The following NCALD variants were observed in gnomAD, a reference collection of about 807,000 sequenced individuals.
The protein encoded by NCALD is neurocalcin delta, also known as neurocalcin-delta.
A neutral mutation model predicts 18.6 loss-of-function variants in NCALD; 10 were observed. That is an observed-to-expected ratio of 0.54 (90% CI 0.33 to 0.91). NCALD has a LOEUF of 0.91. Among genes scored for constraint, NCALD ranks in the 40% least tolerant of loss-of-function variants. The pLI is 0.03. For synonymous variants in NCALD, 88 were observed against 87.4 expected (o/e 1.01, Z -0.04); for missense variants, 184 against 247.6 (o/e 0.74, Z 1.72).
intron 1 of NCALD, among the ~76,000 whole-genome samples, chr8:102,082,202 G>A (rs1288274986): frequency 6.8e-6 from 1 of 146,416 alleles, no homozygotes; most frequent in East Asian, 2.0e-4. Context: ...CCCTTTCAAT[G>A]GGCAGTTATT....
intron 2 of NCALD, among the ~76,000 whole-genome samples, chr8:101,942,810 A>T (rs1819007253): frequency 6.6e-6 from 1 of 152,226 alleles, no homozygotes; most frequent in Non-Finnish European, 1.5e-5. Flanking sequence ...TGGTTGAGCC[A>T]GCATTTGAAA....
intron 3 of NCALD, among the ~76,000 whole-genome samples, chr8:101,910,930 C>T (rs1817772898): frequency 6.6e-6 from 1 of 152,186 alleles, no homozygotes; most frequent in Non-Finnish European, 1.5e-5. Context: ...TATGACCTTC[C>T]AGCTAAAGAT....
At chr8:101,899,638 G>C (rs1817343709) in intron 3 of NCALD, among the ~76,000 whole-genome samples, 1 of 151,858 alleles carries the variant, frequency 6.6e-6, no homozygotes, top group South Asian at 2.1e-4. Context: ...CAATTAGTAT[G>C]ATTGTGATTT....
intron 1 of NCALD, among the ~76,000 whole-genome samples, chr8:101,776,654 C>T (rs950313668): frequency 2.6e-5 from 4 of 152,080 alleles, no homozygotes. Flanking sequence ...CCAAGGACAA[C>T]TTGAAAGCTC....
intron 1 of NCALD, among the ~76,000 whole-genome samples, chr8:101,726,899 T>G (rs1318574628): frequency 6.6e-6 from 1 of 152,082 alleles, no homozygotes; most frequent in African/African-American, 2.4e-5. Context: ...TCAATGTAGA[T>G]CAAGGACTGA....
intron 2 of NCALD, among the ~76,000 whole-genome samples, chr8:101,917,781 T>C (rs907440273): frequency 2.0e-5 from 3 of 152,042 alleles, no homozygotes; most frequent in African/African-American, 7.2e-5. Flanking sequence ...TAGAAGGAAC[T>C]TGAAACCCTT....
chr8:101,768,210 G>A (rs1396032520), intron 1 of NCALD, among the ~76,000 whole-genome samples: 1 of 152,150 alleles, frequency 6.6e-6, no homozygotes, highest in African/African-American at 2.4e-5. Flanking sequence ...GCAAGACTCT[G>A]GTGGAAAAGA....
At chr8:101,877,316 G>A (rs1182738007) in intron 4 of NCALD, among the ~76,000 whole-genome samples, 1 of 152,146 alleles carries the variant, frequency 6.6e-6, no homozygotes, top group African/African-American at 2.4e-5. Flanking sequence ...TGCTTAGGGT[G>A]AGCTGCTAAC....
intron 1 of NCALD, among the ~76,000 whole-genome samples, chr8:102,054,182 TG>T (rs1298935800): frequency 2.0e-5 from 3 of 152,156 alleles, no homozygotes; most frequent in Non-Finnish European, 4.4e-5. Context: ...TGCAAGCCAT[TG>T]TCTCAGGGGC....
At chr8:101,868,430 C>G (rs934345575) in intron 4 of NCALD, among the ~76,000 whole-genome samples, 4 of 152,084 alleles carry the variant, frequency 2.6e-5, no homozygotes, top group African/African-American at 9.7e-5. Context: ...CGCTGACTTC[C>G]TAGAACTAAA....
chr8:101,907,142 A>G (rs1441959641), intron 3 of NCALD, among the ~76,000 whole-genome samples: 1 of 152,098 alleles, frequency 6.6e-6, no homozygotes, highest in East Asian at 1.9e-4. Flanking sequence ...ATTTATTTTG[A>G]TTATGGAGTT....
chr8:101,858,444 C>T (rs1275270464), intron 4 of NCALD, among the ~76,000 whole-genome samples: 2 of 152,172 alleles, frequency 1.3e-5, no homozygotes, highest in African/African-American at 4.8e-5. Context: ...TGTTCCAACA[C>T]ACTCTTCTCT....
intron 2 of NCALD, among the ~76,000 whole-genome samples, chr8:101,706,351 G>A (rs1320997040): frequency 6.6e-6 from 1 of 151,880 alleles, no homozygotes; most frequent in African/African-American, 2.4e-5. Flanking sequence ...GGAGGTTTGG[G>A]CAATGATGAA....
intron 4 of NCALD, among the ~76,000 whole-genome samples, chr8:101,880,493 C>T (rs550692406): frequency 1.8e-4 from 28 of 152,330 alleles, no homozygotes; most frequent in Middle Eastern, 3.4e-3. Context: ...TGGAGCATGG[C>T]CAGAGCGGAG....
intron 4 of NCALD, among the ~76,000 whole-genome samples, chr8:101,809,048 G>A (rs1813212976): frequency 6.6e-6 from 1 of 152,116 alleles, no homozygotes; most frequent in African/African-American, 2.4e-5. Flanking sequence ...TGTTTAATAA[G>A]CTGTGGAATG....
At chr8:101,782,707 C>T (rs908579521) in intron 1 of NCALD, among the ~76,000 whole-genome samples, 13 of 152,170 alleles carry the variant, frequency 8.5e-5, no homozygotes, top group Middle Eastern at 3.2e-3. Context: ...TCATGCCAGA[C>T]GCTCTCTATC....
rs184986779 is a variant in NCALD, at chr8:102,033,353, A to C, written c.-209-13064T>G. ...AACTATATCTTACAGGATGTAGTAC[A>C]TGCTTTGAATCAACAACCCCTAGAG... On this transcript the variant is annotated intron_variant, in intron 1 of 6. Transcript: ENST00000311028. Among the ~76,000 whole-genome samples the C allele has an allele frequency of 4.8e-4, 73 of 152,316 alleles. 2 individuals carry two copies. Among genetic ancestry groups the C allele is most frequent in the African/African-American group, 1.5e-3 (64 of 41,576 alleles).
intron 3 of NCALD, among the ~76,000 whole-genome samples, chr8:101,908,553 A>G (rs1212930798): frequency 2.0e-5 from 3 of 152,174 alleles, no homozygotes; most frequent in Admixed American, 1.3e-4. Context: ...AGTCTTAGTA[A>G]ATGCATCATA....
intron 4 of NCALD, among the ~76,000 whole-genome samples, chr8:101,801,033 GAAAGA>G: frequency 6.7e-6 from 1 of 149,964 alleles, no homozygotes; most frequent in Non-Finnish European, 1.5e-5. Flanking sequence ...AAGGATGAAG[GAAAGA>G]AAAGGAAAGG....
Sources: gnomAD v4.1 joint callset for allele counts (sites outside exome capture counted in the v4.1 genomes callset) on GRCh38, gnomAD v4.1.1 for gene constraint, MANE v1.5 for transcripts, NCBI Gene and HGNC (gene_info 2026-07-23, HGNC 2026-07-21) for gene names.